Variants in CCDC149 observed in about 807,000 individuals in gnomAD.
The protein encoded by CCDC149 is coiled-coil domain-containing protein 149.
Under a neutral mutation model 59.9 loss-of-function variants are expected in CCDC149, and 45 were observed. The observed-to-expected ratio is 0.75, with a 90% CI of 0.59 to 0.96. The LOEUF (loss-of-function observed/expected upper bound fraction) is 0.96, where lower values mean the gene tolerates loss of function less well. Ranked by LOEUF, CCDC149 falls within the 40% of genes least tolerant of loss-of-function variation. The probability of loss-of-function intolerance (pLI) is 0.00; values close to 1 mark genes in which losing one functional copy is unlikely to be tolerated. For synonymous variants in CCDC149, 245 were observed against 260.6 expected, an observed-to-expected ratio of 0.94 and a Z score of 0.58; for missense variants, 584 against 664.7, an observed-to-expected ratio of 0.88 and a Z score of 1.33.
At chr4:24,957,910 C>A (rs1317639382) in intron 1 of CCDC149, among the ~76,000 whole-genome samples, 1 of 152,140 alleles carries the variant, frequency 6.6e-6, no homozygotes. Context: ...TGGGTGGACT[C>A]CTGAGAGTAG....
chr4:24,822,928 C>A, intron 9 of CCDC149: 1 of 164,646 alleles, frequency 6.1e-6, no homozygotes, highest in Non-Finnish European at 1.3e-5. Context: ...TTTGAATACC[C>A]TTAATAATAT....
chr4:24,972,647 G>A lies in CCDC149; in HGVS notation c.-65+7422C>T, dbSNP rs113414663. Among the ~76,000 whole-genome samples the A allele has an allele frequency of 5.3e-3, 811 of 152,194 alleles. 10 individuals are homozygous for A. Among genetic ancestry groups the A allele is most frequent in the African/African-American group, 0.018 (741 of 41,536 alleles). On this transcript the variant is annotated intron_variant, in intron 1 of 12. Coordinates refer to the CCDC149 transcript ENST00000389609. ...CCCAAATTCCTAAGAGGCCTGGGGA[G>A]TCACACACTACAAACTGTAAAATCT... is the stretch of plus-strand genomic sequence containing the variant.
At chr4:24,946,675 T>C (rs1723118942) in intron 1 of CCDC149, among the ~76,000 whole-genome samples, 1 of 152,216 alleles carries the variant, frequency 6.6e-6, no homozygotes, top group South Asian at 2.1e-4. Flanking sequence ...TAAATGGCAG[T>C]CTAAGGAGTC....
intron 9 of CCDC149, chr4:24,822,785 TA>T: frequency 5.2e-6 from 2 of 383,172 alleles, no homozygotes; most frequent in Non-Finnish European, 9.5e-6. Flanking sequence ...AAAACAATAC[TA>T]AAATGCCATG....
intron 4 of CCDC149, among the ~76,000 whole-genome samples, chr4:24,844,961 C>T (rs1320486316): frequency 1.3e-5 from 2 of 152,066 alleles, no homozygotes; most frequent in Non-Finnish European, 2.9e-5. Flanking sequence ...TCCTTATTTG[C>T]ACATGAGAAG....
intron 1 of CCDC149, among the ~76,000 whole-genome samples, chr4:24,977,851 G>T (rs986246388): frequency 1.3e-5 from 2 of 152,188 alleles, no homozygotes; most frequent in African/African-American, 4.8e-5. Flanking sequence ...TATGCTACCT[G>T]GCTGGGCACA....
At chr4:24,856,992 T>C (rs922809399) in intron 3 of CCDC149, among the ~76,000 whole-genome samples, 9 of 152,138 alleles carry the variant, frequency 5.9e-5, no homozygotes, top group Non-Finnish European at 1.3e-4. Flanking sequence ...AGCATCCCCA[T>C]CTGGAGAAGA....
intron 1 of CCDC149, among the ~76,000 whole-genome samples, chr4:24,938,270 A>G (rs946191780): frequency 6.6e-6 from 1 of 152,048 alleles, no homozygotes; most frequent in East Asian, 1.9e-4. Flanking sequence ...GAGGAATATT[A>G]TTTTTTTTCC....
intron 3 of CCDC149, among the ~76,000 whole-genome samples, chr4:24,869,056 C>T (rs372802012): frequency 3.9e-5 from 6 of 152,200 alleles, no homozygotes; most frequent in African/African-American, 1.2e-4. Context: ...TCAATGACAC[C>T]GGCTGCGATT....
At chr4:24,860,106 A>T (rs115668064) in intron 3 of CCDC149, among the ~76,000 whole-genome samples, 1,584 of 152,298 alleles carry the variant, frequency 0.01, 15 homozygotes, top group Non-Finnish European at 0.014. Flanking sequence ...TAACATTCAT[A>T]TGGAACCAAA....
chr4:24,832,059 A>G (rs758472005), intron 8 of CCDC149, among the ~76,000 whole-genome samples: 5 of 152,044 alleles, frequency 3.3e-5, no homozygotes, highest in Non-Finnish European at 7.4e-5. Flanking sequence ...AATGACAATC[A>G]CTCCTAGCTC....
Position 24,943,085 on chromosome 4 carries a change from G to A in CCDC149, c.-65+36984C>T, listed in dbSNP as rs866617589. The stretch of plus-strand genomic sequence containing the variant: ...ATGGAACCAAAAAAGAGCCCGCATC[G>A]CCAAGTCAATCCTAAGCCAAAAGAA... On this transcript the variant is annotated intron_variant, in intron 1 of 12. Transcript: ENST00000389609. Among the ~76,000 whole-genome samples, 21 of 151,716 alleles carry A rather than the reference G, an allele frequency of 1.4e-4. No individual in the cohort carries two copies. The South Asian group carries it at 3.8e-3, about 27-fold the overall frequency.
intron 1 of CCDC149, among the ~76,000 whole-genome samples, chr4:24,899,285 T>C (rs1721023353): frequency 6.6e-6 from 1 of 152,012 alleles, no homozygotes; most frequent in Non-Finnish European, 1.5e-5. Context: ...AGAATCAAGG[T>C]AGACTTCACA....
intron 1 of CCDC149, among the ~76,000 whole-genome samples, chr4:24,879,859 C>T (rs1719728368): frequency 1.3e-5 from 2 of 152,210 alleles, no homozygotes; most frequent in Admixed American, 6.5e-5. Flanking sequence ...CTTATCCAGC[C>T]CATACTTTAA....
At chr4:24,895,642 G>C (rs949667265) in intron 1 of CCDC149, among the ~76,000 whole-genome samples, 1 of 152,126 alleles carries the variant, frequency 6.6e-6, no homozygotes, top group Non-Finnish European at 1.5e-5. Context: ...GGCAGTCTGG[G>C]GCATGTCCCT....
chr4:24,812,122 C>T (rs979134083), intron 12 of CCDC149, among the ~76,000 whole-genome samples: 6 of 152,170 alleles, frequency 3.9e-5, no homozygotes, highest in African/African-American at 1.4e-4. Flanking sequence ...CTGGATAATC[C>T]AGGATAATCT....
chr4:24,938,186 C>A (rs906634736), intron 1 of CCDC149, among the ~76,000 whole-genome samples: 3 of 152,042 alleles, frequency 2.0e-5, no homozygotes, highest in Admixed American at 2.0e-4. Context: ...CTGTGTCATG[C>A]ATCAATTACA....
At chr4:24,884,273 C>T (rs1720025159) in intron 1 of CCDC149, among the ~76,000 whole-genome samples, 1 of 152,234 alleles carries the variant, frequency 6.6e-6, no homozygotes, top group Non-Finnish European at 1.5e-5. Context: ...ACATTTACCA[C>T]TGTGTTACAA....
rs1718866432 is a variant in CCDC149, at chr4:24,869,043, C to T, written c.264+4638G>A. On this transcript the variant is annotated intron_variant, in intron 3 of 12. Transcript: ENST00000635206. ...GCAGCCGGCACTTGGTAAGAGTGAG[C>T]ACTCAATGACACCGGCTGCGATTGC... Among the ~76,000 whole-genome samples the T allele has an allele frequency of 2.0e-5, 3 of 152,212 alleles. No individual in the cohort carries two copies. In the South Asian group the frequency reaches 6.2e-4, roughly 31 times the overall value.
Sources: allele counts gnomAD v4.1 joint callset (sites outside exome capture counted in the v4.1 genomes callset), GRCh38; gene constraint gnomAD v4.1.1; transcripts MANE v1.5; gene names NCBI Gene and HGNC (gene_info 2026-07-23, HGNC 2026-07-21).